Variants in CSMD3 observed in about 807,000 individuals in gnomAD.
CSMD3 encodes CUB and sushi domain-containing protein 3.
CSMD3 carries 177 observed loss-of-function variants against 435.2 expected under a neutral mutation model. The ratio of observed to expected loss-of-function variants is 0.41; its 90% CI spans 0.36 to 0.46. CSMD3 has a LOEUF of 0.46. Ranked by LOEUF, CSMD3 falls within the 20% of genes least tolerant of loss-of-function variation. The pLI, the probability that CSMD3 is intolerant of heterozygous loss-of-function variation, is 0.34. For synonymous variants in CSMD3, 1,656 were observed against 1,520.5 expected, an observed-to-expected ratio of 1.09 and a Z score of -2.07; for missense variants, 4,265 against 4,504.6, an observed-to-expected ratio of 0.95 and a Z score of 1.52.
At chr8:112,390,968 T>C (rs918897676) in intron 35 of CSMD3, among the ~76,000 whole-genome samples, 180 bp from the exon 36 acceptor site, 6 of 152,140 alleles carry the variant, frequency 3.9e-5, no homozygotes, top group Non-Finnish European at 7.4e-5. Context: ...CGATAACAAA[T>C]AATTAGACAG....
intron 17 of CSMD3, 50 bp from the exon 18 acceptor site, chr8:112,656,391 A>G (rs764289703): frequency 7.2e-7 from 1 of 1,386,196 alleles, no homozygotes; most frequent in Middle Eastern, 1.8e-4. Context: ...AACACTATAT[A>G]TGGAAATAAT....
At position 112,483,950 on chromosome 8, in the gene CSMD3, C is replaced by T. The variant is rs1819874173; in HGVS notation, c.5278+8539G>A. Among the ~76,000 whole-genome samples the T allele has an allele frequency of 2.0e-5, 3 of 152,164 alleles. No individual in the cohort carries two copies. In the South Asian group the frequency reaches 6.2e-4, roughly 32 times the overall value. ...CCAAAGAGAGGAAGCCATGTCAATTCAGCTGTTTCTCAATGGTTGAGGTCA... is the reference window on the plus strand; with the variant it reads ...CCAAAGAGAGGAAGCCATGTCAATTTAGCTGTTTCTCAATGGTTGAGGTCA... On this transcript the variant is annotated intron_variant, in intron 31 of 70. Transcript: ENST00000297405.
intron 1 of CSMD3, among the ~76,000 whole-genome samples, chr8:113,404,420 C>T (rs902153665): frequency 6.6e-5 from 10 of 151,246 alleles, no homozygotes; most frequent in African/African-American, 1.9e-4. Context: ...CAAGAGAATT[C>T]GACTTTAAAT....
chr8:112,552,731 A>C lies in CSMD3; in HGVS notation c.4235-11T>G. The C allele has an allele frequency of 6.2e-7, 1 of 1,609,598 alleles. No homozygotes were observed. The highest frequency in any genetic ancestry group is 8.5e-7 in the Non-Finnish European group (1 of 1,177,572). On this transcript the variant is annotated splice_polypyrimidine_tract_variant and intron_variant, in intron 25 of 70. Transcript: ENST00000297405. ...GACCTCCACATTCAGCTGATAAAAA[A>C]TAATAGAAATTTAAGCCACAATTTA... is the stretch of plus-strand genomic sequence containing the variant.
intron 5 of CSMD3, among the ~76,000 whole-genome samples, chr8:113,096,116 A>G (rs1383763067): frequency 2.0e-5 from 3 of 152,254 alleles, no homozygotes; most frequent in Middle Eastern, 3.4e-3. Flanking sequence ...CAAATTTAGA[A>G]GTTCAGCCCA....
chr8:113,432,685 T>C (rs1372318725), intron 1 of CSMD3, among the ~76,000 whole-genome samples: 2 of 152,040 alleles, frequency 1.3e-5, no homozygotes, highest in African/African-American at 2.4e-5. Context: ...CTTTCCGAAC[T>C]CCCCGAGTGC....
intron 54 of CSMD3, among the ~76,000 whole-genome samples, chr8:112,294,180 TC>T (rs1188594585): frequency 2.0e-5 from 3 of 152,062 alleles, no homozygotes; most frequent in African/African-American, 7.2e-5. Context: ...TGTTCTATTA[TC>T]CTATTATCAT....
chr8:113,175,039 T>C (rs2092327246), intron 3 of CSMD3, among the ~76,000 whole-genome samples: 1 of 151,910 alleles, frequency 6.6e-6, no homozygotes, highest in Admixed American at 6.6e-5. Flanking sequence ...TTGATATTTA[T>C]TTCATTTGTG....
chr8:113,215,425 C>T (rs911378767), intron 3 of CSMD3, among the ~76,000 whole-genome samples: 14 of 151,806 alleles, frequency 9.2e-5, no homozygotes, highest in Non-Finnish European at 1.8e-4. Flanking sequence ...GGCTGGTGGA[C>T]CATTGGTTGT....
At chr8:112,942,669 G>A (rs910180593) in intron 9 of CSMD3, among the ~76,000 whole-genome samples, 2 of 151,542 alleles carry the variant, frequency 1.3e-5, no homozygotes, top group African/African-American at 2.4e-5. Flanking sequence ...TTGAGTACAC[G>A]TGGACACAAA....
chr8:112,297,915 T>G (rs956250388), intron 53 of CSMD3, among the ~76,000 whole-genome samples: 3 of 151,782 alleles, frequency 2.0e-5, no homozygotes, highest in African/African-American at 7.3e-5. Flanking sequence ...GAGGCCACAA[T>G]TTCAAGACCA....
At chr8:113,142,563 C>T (rs2091574174) in intron 4 of CSMD3, among the ~76,000 whole-genome samples, 1 of 150,848 alleles carries the variant, frequency 6.6e-6, no homozygotes, top group South Asian at 2.1e-4. Flanking sequence ...AACTGGAAAT[C>T]CAGAGTCAAA....
intron 53 of CSMD3, 38 bp from the exon 54 acceptor site, chr8:112,296,044 ATTTGT>A (rs1196385111): frequency 1.4e-6 from 2 of 1,480,138 alleles, no homozygotes; most frequent in Non-Finnish European, 1.9e-6. Flanking sequence ...TAATACTGTG[ATTTGT>A]TTTATTTGTA....
At chr8:113,092,081 T>G (rs144664989) in intron 5 of CSMD3, among the ~76,000 whole-genome samples, 2 of 152,174 alleles carry the variant, frequency 1.3e-5, no homozygotes, top group Non-Finnish European at 2.9e-5. Flanking sequence ...TGATAAACAG[T>G]CTTTGTCCTT....
At chr8:112,542,597 TTAAC>T (rs1471722874) in intron 27 of CSMD3, among the ~76,000 whole-genome samples, 1 of 151,738 alleles carries the variant, frequency 6.6e-6, no homozygotes, top group East Asian at 1.9e-4. Context: ...TAGAAATAAT[TTAAC>T]TAAGGAGGTG....
chr8:112,731,753 A>AT (rs2077079367), intron 13 of CSMD3, among the ~76,000 whole-genome samples: 1 of 152,106 alleles, frequency 6.6e-6, no homozygotes, highest in African/African-American at 2.4e-5. Context: ...TTTGGTGAAC[A>AT]ATTTGCAGTA....
chr8:112,577,493 GTTTA>G (rs556094183), intron 23 of CSMD3, among the ~76,000 whole-genome samples: 183 of 151,990 alleles, frequency 1.2e-3, no homozygotes, highest in African/African-American at 4.0e-3. Flanking sequence ...GTATGTTTTT[GTTTA>G]TTTAAGCATA....
chr8:113,250,521 T>C (rs773963210), intron 3 of CSMD3, among the ~76,000 whole-genome samples: 6 of 152,136 alleles, frequency 3.9e-5, no homozygotes, highest in Non-Finnish European at 8.8e-5. Context: ...TCAATATTGA[T>C]TGTAGAAACA....
chr8:113,032,822 G>C (rs371933211), intron 5 of CSMD3, among the ~76,000 whole-genome samples: 1 of 151,468 alleles, frequency 6.6e-6, no homozygotes, highest in African/African-American at 2.4e-5. Flanking sequence ...CCAGGCCTAG[G>C]AGGAAAAAAT....
Sources: allele counts gnomAD v4.1 joint callset (sites outside exome capture counted in the v4.1 genomes callset), GRCh38; gene constraint gnomAD v4.1.1; transcripts MANE v1.5; gene names NCBI Gene and HGNC (gene_info 2026-07-23, HGNC 2026-07-21).